The following GRID1 variants were observed in gnomAD, a reference collection of about 807,000 sequenced individuals.
The protein encoded by GRID1 is glutamate receptor ionotropic, delta-1.
In GRID1, 28 loss-of-function variants were observed where a neutral mutation model predicts 98.0. That is an observed-to-expected ratio of 0.29 (90% confidence interval 0.21 to 0.39). GRID1 has a LOEUF of 0.39. Ranked by LOEUF, GRID1 falls within the 10% of genes least tolerant of loss-of-function variation. GRID1 has a pLI of 1.00. For missense variants in GRID1, 1,111 were observed against 1,340.5 expected, an observed-to-expected ratio of 0.83 and a Z score of 2.67; for synonymous variants, 553 against 538.5, an observed-to-expected ratio of 1.03 and a Z score of -0.37.
At chr10:85,732,884 C>A (rs894705927) in intron 8 of GRID1, among the ~76,000 whole-genome samples, 4 of 152,106 alleles carry the variant, frequency 2.6e-5, no homozygotes, top group African/African-American at 7.2e-5. Flanking sequence ...ACTAAAATCC[C>A]CAAAATCCCT....
chr10:86,083,664 C>T (rs1394303692), intron 4 of GRID1, among the ~76,000 whole-genome samples: 1 of 152,208 alleles, frequency 6.6e-6, no homozygotes, highest in African/African-American at 2.4e-5. Context: ...CATTAAATCA[C>T]AAGGAATATA....
At chr10:86,021,440 G>A (rs1421834104) in intron 4 of GRID1, among the ~76,000 whole-genome samples, 1 of 152,248 alleles carries the variant, frequency 6.6e-6, no homozygotes, top group East Asian at 1.9e-4. Context: ...ACCCTGAGAT[G>A]TCTGTTTAGG....
chr10:86,233,370 G>C (rs1846485716), intron 2 of GRID1, among the ~76,000 whole-genome samples: 1 of 152,212 alleles, frequency 6.6e-6, no homozygotes, highest in African/African-American at 2.4e-5. Context: ...CACAAAGCCA[G>C]GCTGTGGTGC....
chr10:85,880,471 T>C (rs1840990012), intron 5 of GRID1, among the ~76,000 whole-genome samples: 4 of 152,110 alleles, frequency 2.6e-5, no homozygotes, highest in Admixed American at 6.5e-5. Flanking sequence ...GTTCAACATA[T>C]GCAAATCAAT....
intron 12 of GRID1, among the ~76,000 whole-genome samples, chr10:85,711,153 C>A (rs1386060755): frequency 6.6e-6 from 1 of 151,920 alleles, no homozygotes; most frequent in African/African-American, 2.4e-5. Context: ...TAAAAGCAGG[C>A]ATTGAACAGG....
At position 86,155,304 on chromosome 10, in the gene GRID1, T is replaced by C. The variant is rs190627160; in HGVS notation, c.521-16280A>G. Reference sequence around the variant, plus strand: ...GCTGTCGACGGCCAACCTGCCATTCTTCAAGATGTCAACCACACAGCCTCT... The same window carrying C: ...GCTGTCGACGGCCAACCTGCCATTCCTCAAGATGTCAACCACACAGCCTCT... On this transcript the variant is annotated intron_variant, in intron 3 of 15. Transcript: ENST00000327946. 3.9e-5 allele frequency among the ~76,000 whole-genome samples: 6 copies of C among 152,348 alleles called. No individual in the cohort carries two copies. The East Asian group carries it at 1.2e-3, about 29-fold the overall frequency.
At position 85,858,119 on chromosome 10, in the gene GRID1, C is replaced by A. The variant is rs574260571; in HGVS notation, c.952-1929G>T. ...CCCTGTAGGTATCCTTGTGCACAGA[C>A]CATTGCTGAAGAGCTCTGTCCTGTC... is the stretch of plus-strand genomic sequence containing the variant. On this transcript the variant is annotated intron_variant, in intron 6 of 15. Transcript: ENST00000327946. Among the ~76,000 whole-genome samples the A allele has an allele frequency of 2.5e-3, 378 of 152,318 alleles. 3 individuals carry two copies. Among genetic ancestry groups the A allele is most frequent in the African/African-American group, 8.9e-3 (368 of 41,572 alleles).
At chr10:86,016,178 G>A (rs897042359) in intron 4 of GRID1, among the ~76,000 whole-genome samples, 10 of 142,980 alleles carry the variant, frequency 7.0e-5, no homozygotes, top group South Asian at 2.3e-4. Context: ...ACAGAGTCTC[G>A]CTCTGTTGCC....
At chr10:85,624,732 T>C (rs1564680929) in intron 13 of GRID1, among the ~76,000 whole-genome samples, 1 of 152,184 alleles carries the variant, frequency 6.6e-6, no homozygotes, top group Non-Finnish European at 1.5e-5. Flanking sequence ...AATGATGCAA[T>C]CCTTTGGAGA....
At chr10:86,164,072 C>T (rs146261573) in intron 3 of GRID1, among the ~76,000 whole-genome samples, 72 of 152,270 alleles carry the variant, frequency 4.7e-4, no homozygotes, top group Admixed American at 8.5e-4. Context: ...CAAAACAAAC[C>T]GGGGCAGCAC....
chr10:86,344,868 C>G (rs1848360409), intron 2 of GRID1, among the ~76,000 whole-genome samples: 1 of 152,222 alleles, frequency 6.6e-6, no homozygotes, highest in Non-Finnish European at 1.5e-5. Context: ...GGGAACTGCC[C>G]AGCCAAGCTG....
chr10:86,037,246 AAG>A (rs1843277862), intron 4 of GRID1, among the ~76,000 whole-genome samples: 1 of 152,180 alleles, frequency 6.6e-6, no homozygotes, highest in Admixed American at 6.5e-5. Context: ...TGGCTTTGGA[AAG>A]AGTTAATCAC....
chr10:85,977,797 G>A (rs2001415), intron 4 of GRID1, among the ~76,000 whole-genome samples: 158 of 151,962 alleles, frequency 1.0e-3, no homozygotes, highest in Non-Finnish European at 3.2e-4. Flanking sequence ...AGACCTCCCC[G>A]CCGACCCAGT....
chr10:85,878,695 G>C (rs1010447455), intron 5 of GRID1, among the ~76,000 whole-genome samples: 7 of 152,162 alleles, frequency 4.6e-5, no homozygotes, highest in Non-Finnish European at 4.4e-5. Context: ...ATCAAGGCTA[G>C]GAATAAACTG....
intron 5 of GRID1, among the ~76,000 whole-genome samples, chr10:85,903,379 C>T (rs1298202886): frequency 6.6e-6 from 1 of 152,122 alleles, no homozygotes; most frequent in African/African-American, 2.4e-5. Flanking sequence ...AACAGCAAAT[C>T]TTATCGGCTC....
intron 2 of GRID1, among the ~76,000 whole-genome samples, chr10:86,341,178 T>A (rs1848304851): frequency 6.6e-6 from 1 of 152,164 alleles, no homozygotes; most frequent in East Asian, 1.9e-4. Context: ...AGAAACCCCC[T>A]GCTCCAGGGA....
chr10:86,229,628 C>T (rs939304060), intron 2 of GRID1, among the ~76,000 whole-genome samples: 1 of 152,160 alleles, frequency 6.6e-6, no homozygotes, highest in Non-Finnish European at 1.5e-5. Context: ...CCAGGGACCC[C>T]AGAAGCTTCA....
At chr10:86,125,925 TTA>T (rs1334917819) in intron 4 of GRID1, among the ~76,000 whole-genome samples, 1 of 152,214 alleles carries the variant, frequency 6.6e-6, no homozygotes, top group Non-Finnish European at 1.5e-5. Flanking sequence ...GATCAAATGT[TTA>T]TGTTATCGGT....
chr10:85,614,799 G>A (rs1233315348), intron 14 of GRID1, among the ~76,000 whole-genome samples: 2 of 152,170 alleles, frequency 1.3e-5, no homozygotes, highest in Non-Finnish European at 2.9e-5. Flanking sequence ...GACAACCCAT[G>A]CTGCTTCTAT....
Sources: gnomAD v4.1 joint callset for allele counts (sites outside exome capture counted in the v4.1 genomes callset) on GRCh38, gnomAD v4.1.1 for gene constraint, MANE v1.5 for transcripts, NCBI Gene and HGNC (gene_info 2026-07-23, HGNC 2026-07-21) for gene names.